The following KCNH8 variants were observed in gnomAD, a reference collection of about 807,000 sequenced individuals.
KCNH8 encodes potassium voltage-gated channel subfamily H member 8, also known as voltage-gated delayed rectifier potassium channel KCNH8.
A neutral mutation model predicts 103.6 loss-of-function variants in KCNH8; 70 were observed. That is an observed-to-expected ratio of 0.68 (90% CI 0.56 to 0.82). The LOEUF is 0.82. KCNH8 is among the 40% of genes least tolerant of loss of function. The probability of loss-of-function intolerance (pLI) is 0.00; values close to 1 mark genes in which losing one functional copy is unlikely to be tolerated. For missense variants in KCNH8, 1,217 were observed against 1,329.9 expected (o/e 0.92, Z 1.32); for synonymous variants, 498 against 489.4 (o/e 1.02, Z -0.23).
intron 11 of KCNH8, among the ~76,000 whole-genome samples, chr3:19,497,608 T>C (rs570838968): frequency 4.6e-5 from 7 of 152,286 alleles, no homozygotes; most frequent in African/African-American, 1.7e-4. Flanking sequence ...AAGAGTGTGG[T>C]TGGTATGATT....
chr3:19,218,560 C>A (rs1391466413), intron 1 of KCNH8, among the ~76,000 whole-genome samples: 1 of 152,220 alleles, frequency 6.6e-6, no homozygotes, highest in Admixed American at 6.5e-5. Flanking sequence ...TTTAAAGTCC[C>A]TGCGGTAAGA....
intron 15 of KCNH8, among the ~76,000 whole-genome samples, chr3:19,530,012 A>G (rs184476771): frequency 3.5e-4 from 53 of 152,256 alleles, no homozygotes; most frequent in Non-Finnish European, 1.8e-4. Context: ...TCCCATTCTA[A>G]GTTCACGGTC....
chr3:19,228,359 A>G (rs963347577), intron 1 of KCNH8, among the ~76,000 whole-genome samples: 27 of 152,178 alleles, frequency 1.8e-4, no homozygotes, highest in African/African-American at 4.8e-4. Context: ...GCTAATCCCT[A>G]CTCTAAAATC....
chr3:19,355,107 A>G (rs551744459), intron 5 of KCNH8, among the ~76,000 whole-genome samples: 71 of 152,322 alleles, frequency 4.7e-4, no homozygotes, highest in African/African-American at 1.7e-3. Context: ...GAAGACATTT[A>G]TGCAGCCAAC....
intron 1 of KCNH8, among the ~76,000 whole-genome samples, chr3:19,210,520 A>G (rs1382746680): frequency 6.6e-6 from 1 of 152,034 alleles, no homozygotes; most frequent in Non-Finnish European, 1.5e-5. Flanking sequence ...TCATTTTCAT[A>G]TTTTATCTTC....
At chr3:19,418,413 C>T (rs914043586) in intron 7 of KCNH8, among the ~76,000 whole-genome samples, 1 of 152,176 alleles carries the variant, frequency 6.6e-6, no homozygotes, top group Admixed American at 6.5e-5. Flanking sequence ...TGACCTAACT[C>T]CAGCACCAAT....
chr3:19,219,076 G>A (rs2063845316), intron 1 of KCNH8, among the ~76,000 whole-genome samples: 1 of 152,052 alleles, frequency 6.6e-6, no homozygotes. Flanking sequence ...CCCACTGTGG[G>A]GCAGCCATAC....
intron 2 of KCNH8, among the ~76,000 whole-genome samples, chr3:19,274,011 A>G (rs2064627294): frequency 1.3e-5 from 2 of 152,162 alleles, no homozygotes; most frequent in Admixed American, 6.6e-5. Context: ...GAGCATGTAT[A>G]TAATCGTGTC....
chr3:19,383,957 A>T (rs911448288), intron 5 of KCNH8, among the ~76,000 whole-genome samples: 3 of 152,150 alleles, frequency 2.0e-5, no homozygotes, highest in African/African-American at 7.2e-5. Flanking sequence ...AAAATGATTA[A>T]ATTTTTCCAA....
At chr3:19,427,998 G>A (rs2067054814) in intron 7 of KCNH8, among the ~76,000 whole-genome samples, 1 of 152,184 alleles carries the variant, frequency 6.6e-6, no homozygotes, top group African/African-American at 2.4e-5. Flanking sequence ...TAACAAGAAG[G>A]ATCAGGAGAT....
chr3:19,444,354 T>G (rs953882289), intron 8 of KCNH8, among the ~76,000 whole-genome samples: 6 of 151,914 alleles, frequency 3.9e-5, no homozygotes, highest in Non-Finnish European at 8.8e-5. Context: ...AAAAATTAAT[T>G]CCAGGTGGAT....
At chr3:19,203,456 A>G (rs1428450300) in intron 1 of KCNH8, among the ~76,000 whole-genome samples, 1 of 152,106 alleles carries the variant, frequency 6.6e-6, no homozygotes, top group African/African-American at 2.4e-5. Context: ...TATGTAGCAT[A>G]ATTTGCTTTT....
At chr3:19,210,611 CTGT>C (rs2063761006) in intron 1 of KCNH8, among the ~76,000 whole-genome samples, 1 of 151,920 alleles carries the variant, frequency 6.6e-6, no homozygotes, top group Non-Finnish European at 1.5e-5. Context: ...TCCTGAAATT[CTGT>C]TGTGGAGGGT....
At chr3:19,376,399 G>A (rs1256701254) in intron 5 of KCNH8, among the ~76,000 whole-genome samples, 1 of 152,174 alleles carries the variant, frequency 6.6e-6, no homozygotes. Flanking sequence ...GACTGGGAAA[G>A]GGAACTCCCT....
At chr3:19,338,004 G>T (rs576858803) in intron 3 of KCNH8, among the ~76,000 whole-genome samples, 2 of 151,806 alleles carry the variant, frequency 1.3e-5, no homozygotes, top group South Asian at 2.1e-4. Flanking sequence ...AGAGGCGGGG[G>T]GGGGAGAAAG....
chr3:19,428,255 A>C (rs969613962), intron 7 of KCNH8, among the ~76,000 whole-genome samples: 4 of 152,190 alleles, frequency 2.6e-5, no homozygotes, highest in Admixed American at 2.6e-4. Flanking sequence ...ACAACATACT[A>C]TTTTTATCAT....
At chr3:19,342,557 G>A (rs1013424387) in intron 3 of KCNH8, 30 bp from the exon 4 acceptor site, 1 of 1,600,730 alleles carries the variant, frequency 6.2e-7, no homozygotes, top group African/African-American at 1.3e-5. Context: ...ATGCATGCAT[G>A]TGTGTCTAAT....
At chr3:19,390,385 C>G in intron 5 of KCNH8, 96 bp from the exon 6 acceptor site, 6 of 884,910 alleles carry the variant, frequency 6.8e-6, no homozygotes, top group Admixed American at 2.5e-5. Context: ...GCCTGCCTGT[C>G]TCCCTTCCTT....
In KCNH8 at chr3:19,451,355, C is replaced by T. The variant is rs1225380152; in HGVS notation, c.1776C>T (p.Cys592=). 6.2e-7 allele frequency: 1 copy of T among 1,613,656 alleles called. No homozygotes were observed. The highest frequency in any genetic ancestry group is 1.1e-5 in the South Asian group (1 of 91,078). Residue 592 remains cysteine (C), a synonymous_variant, in exon 10 of 16, where the codon TGC becomes TGT. Coordinates refer to ENST00000328405, the MANE Select transcript of KCNH8 (RefSeq NM_144633.3). ...CTTTGCAGGCCATCTACTTTGTATG[C>T]TCGGGCTCCATGGAAGTTCTTAAAG... ...GDALQAIYFV[C]SGSMEVLKDS...
Sources: allele counts gnomAD v4.1 joint callset (sites outside exome capture counted in the v4.1 genomes callset), GRCh38; gene constraint gnomAD v4.1.1; transcripts MANE v1.5; gene names NCBI Gene and HGNC (gene_info 2026-07-23, HGNC 2026-07-21).